Variants in CNTN4 observed in about 807,000 individuals in gnomAD.
The protein encoded by CNTN4 is contactin-4.
In CNTN4, 77 loss-of-function variants were observed where a neutral mutation model predicts 122.5. That is an observed-to-expected ratio of 0.63 (90% CI 0.52 to 0.76). The LOEUF is 0.76. CNTN4 is among the 30% of genes least tolerant of loss of function. CNTN4 has a pLI of 0.00. For synonymous variants in CNTN4, 512 were observed against 447.0 expected, an observed-to-expected ratio of 1.15 and a Z score of -1.83; for missense variants, 1,256 against 1,259.1, an observed-to-expected ratio of 1.00 and a Z score of 0.04.
intron 4 of CNTN4, among the ~76,000 whole-genome samples, chr3:2,677,209 GTA>G (rs1236797963): frequency 2.7e-5 from 4 of 148,402 alleles, no homozygotes; most frequent in East Asian, 2.0e-4. Flanking sequence ...CTCTATATAT[GTA>G]TATATATATC....
intron 2 of CNTN4, among the ~76,000 whole-genome samples, chr3:2,322,453 A>G (rs1479324727): frequency 6.6e-6 from 1 of 152,170 alleles, no homozygotes; most frequent in Non-Finnish European, 1.5e-5. Flanking sequence ...AGGATGAATA[A>G]CTATATCAAA....
chr3:2,189,985 A>G (rs1339375552), intron 2 of CNTN4, among the ~76,000 whole-genome samples: 1 of 152,206 alleles, frequency 6.6e-6, no homozygotes, highest in Non-Finnish European at 1.5e-5. Context: ...TCATACAGGA[A>G]GGTGATGATG....
intron 2 of CNTN4, among the ~76,000 whole-genome samples, chr3:2,330,000 G>A (rs936253341): frequency 9.9e-5 from 15 of 152,220 alleles, no homozygotes; most frequent in Non-Finnish European, 1.9e-4. Flanking sequence ...GAACCCACAT[G>A]TTAAGAGCTC....
chr3:2,235,472 TCCC>T (rs2039646321), intron 2 of CNTN4, among the ~76,000 whole-genome samples: 1 of 152,138 alleles, frequency 6.6e-6, no homozygotes, highest in Non-Finnish European at 1.5e-5. Flanking sequence ...TTTATTTTCC[TCCC>T]CTTTTTCTAA....
At chr3:2,216,440 C>T (rs2038844709) in intron 2 of CNTN4, among the ~76,000 whole-genome samples, 1 of 152,070 alleles carries the variant, frequency 6.6e-6, no homozygotes, top group African/African-American at 2.4e-5. Context: ...AGGTACTGGG[C>T]TTAATTCCTG....
At chr3:2,827,382 AC>A (rs1205967879) in intron 7 of CNTN4, among the ~76,000 whole-genome samples, 3 of 152,202 alleles carry the variant, frequency 2.0e-5, no homozygotes, top group Non-Finnish European at 2.9e-5. Flanking sequence ...AGCAATTTGC[AC>A]AGTTAAAACT....
intron 4 of CNTN4, among the ~76,000 whole-genome samples, chr3:2,725,913 A>G (rs2088190097): frequency 6.6e-6 from 1 of 152,356 alleles, no homozygotes; most frequent in Non-Finnish European, 1.5e-5. Context: ...GTACCTTTCT[A>G]TGCATATAGT....
rs11714570 is a variant in CNTN4 at position 2,514,228 on chromosome 3, T to G, written c.-88-57188T>G. Among the ~76,000 whole-genome samples, 22 of 152,108 alleles carry G rather than the reference T, an allele frequency of 1.4e-4. 1 individual carries two copies. In the South Asian group the frequency reaches 4.6e-3, roughly 32 times the overall value. Reference sequence around the variant, plus strand: ...GGACTTTATAACGTCCTCAGCGGCATTTGGAAGCAGGACCTCTGCACACAA... The same window carrying G: ...GGACTTTATAACGTCCTCAGCGGCAGTTGGAAGCAGGACCTCTGCACACAA... On this transcript the variant is annotated intron_variant, in intron 3 of 24. Coordinates refer to ENST00000418658, the MANE Select transcript of CNTN4 (RefSeq NM_175607.3).
chr3:2,667,607 T>A (rs1470716394), intron 4 of CNTN4, among the ~76,000 whole-genome samples: 1 of 150,804 alleles, frequency 6.6e-6, no homozygotes, highest in East Asian at 1.9e-4. Flanking sequence ...TAGATCCCAT[T>A]TGTCAATTTT....
At chr3:2,269,009 G>A (rs927278678) in intron 2 of CNTN4, among the ~76,000 whole-genome samples, 1 of 152,146 alleles carries the variant, frequency 6.6e-6, no homozygotes, top group Non-Finnish European at 1.5e-5. Context: ...CACTATGACA[G>A]ATTAACCAAA....
intron 4 of CNTN4, among the ~76,000 whole-genome samples, chr3:2,574,685 G>T (rs763793274): frequency 2.6e-5 from 4 of 152,024 alleles, no homozygotes; most frequent in Non-Finnish European, 5.9e-5. Context: ...ACCTAAAAAA[G>T]CAAGGAAGCT....
At chr3:2,226,698 T>G (rs757371570) in intron 2 of CNTN4, among the ~76,000 whole-genome samples, 8 of 152,276 alleles carry the variant, frequency 5.3e-5, no homozygotes, top group Non-Finnish European at 1.0e-4. Context: ...TTATTAAGTT[T>G]ATTAAAACTT....
intron 6 of CNTN4, among the ~76,000 whole-genome samples, chr3:2,767,570 T>C (rs2090915643): frequency 6.6e-6 from 1 of 152,148 alleles, no homozygotes; most frequent in Non-Finnish European, 1.5e-5. Context: ...TTTCAGTTAG[T>C]TGCCCCATTG....
chr3:2,371,874 G>T (rs1232943340), intron 3 of CNTN4, among the ~76,000 whole-genome samples: 1 of 152,164 alleles, frequency 6.6e-6, no homozygotes, highest in African/African-American at 2.4e-5. Context: ...TGGGAAACAT[G>T]GTAAATAATC....
At chr3:2,859,409 T>C (rs918804058) in intron 7 of CNTN4, among the ~76,000 whole-genome samples, 1 of 152,170 alleles carries the variant, frequency 6.6e-6, no homozygotes, top group Non-Finnish European at 1.5e-5. Context: ...TGCCTTTGGA[T>C]TTTCAGTTTC....
chr3:2,549,210 T>G (rs1425164930), intron 3 of CNTN4, among the ~76,000 whole-genome samples: 1 of 152,232 alleles, frequency 6.6e-6, no homozygotes, highest in Non-Finnish European at 1.5e-5. Context: ...CTTGCCTGAT[T>G]GCCCTGGCCA....
At chr3:2,456,192 C>G (rs17786921) in intron 3 of CNTN4, among the ~76,000 whole-genome samples, 17,804 of 151,978 alleles carry the variant, frequency 0.12, 1,348 homozygotes, top group Middle Eastern at 0.21. Flanking sequence ...TACAAACTTG[C>G]CTGAATGTGA....
chr3:2,822,236 A>G (rs911951630), intron 7 of CNTN4, among the ~76,000 whole-genome samples: 1 of 152,238 alleles, frequency 6.6e-6, no homozygotes, highest in African/African-American at 2.4e-5. Flanking sequence ...ACTCTGGGAT[A>G]TGAGTTTTGA....
At chr3:2,492,050 T>TA (rs988313672) in intron 3 of CNTN4, among the ~76,000 whole-genome samples, 7 of 152,072 alleles carry the variant, frequency 4.6e-5, no homozygotes, top group African/African-American at 9.7e-5. Context: ...TTGATTTATT[T>TA]AAAAAAAATC....
Sources: allele counts gnomAD v4.1 joint callset (sites outside exome capture counted in the v4.1 genomes callset), GRCh38; gene constraint gnomAD v4.1.1; transcripts MANE v1.5; gene names NCBI Gene and HGNC (gene_info 2026-07-23, HGNC 2026-07-21).